AKAP14: variants seen among roughly 807,000 people sequenced by gnomAD.
AKAP14 encodes the protein A-kinase anchor protein 14.
A neutral mutation model predicts 17.0 loss-of-function variants in AKAP14; 4 were observed. That is an observed-to-expected ratio of 0.23 (90% CI 0.12 to 0.54). The LOEUF (loss-of-function observed/expected upper bound fraction) is 0.54, where lower values mean the gene tolerates loss of function less well. AKAP14 is among the 20% of genes least tolerant of loss of function. The pLI, the probability that AKAP14 is intolerant of heterozygous loss-of-function variation, is 0.95. For missense variants in AKAP14, 129 were observed against 150.9 expected (o/e 0.85, Z 0.76); for synonymous variants, 42 against 51.3 (o/e 0.82, Z 0.77).
chrX:119,916,865 T>C (rs1441340068), intron 5 of AKAP14, among the ~76,000 whole-genome samples: 1 of 101,426 alleles, frequency 9.9e-6, no homozygotes, highest in Non-Finnish European at 2.0e-5. Context: ...CCCAGCACTT[T>C]GGGAGGCTTA....
chrX:119,905,119 G>A (rs1394187271), intron 4 of AKAP14, among the ~76,000 whole-genome samples: 3 of 111,052 alleles, frequency 2.7e-5, no homozygotes, highest in African/African-American at 9.8e-5. Context: ...GAAATTGGTG[G>A]AGGCGAACTC....
intron 2 of AKAP14, among the ~76,000 whole-genome samples, chrX:119,901,960 G>A (rs1216557512): frequency 5.7e-5 from 6 of 104,640 alleles, no homozygotes; most frequent in African/African-American, 1.4e-4. Flanking sequence ...CGGAGGTTGC[G>A]GTGAGCCGAG....
At chrX:119,899,018 T>C (rs2056548015) in intron 2 of AKAP14, among the ~76,000 whole-genome samples, 1 of 101,453 alleles carries the variant, frequency 9.9e-6, no homozygotes, top group African/African-American at 3.6e-5. Context: ...AATACAAAAA[T>C]TAGCTGGGCG....
Position 119,895,918 on chromosome X carries a change from T to C in AKAP14, c.-193T>C, listed in dbSNP as rs775407275. On this transcript the variant is annotated 5_prime_UTR_variant, in exon 1 of 7. Transcript: ENST00000371431. ...ATAGGGATGCCCAATACATACCAGC[T>C]GTGAGGCTTATCACCACTGTTCTTC... is the stretch of plus-strand genomic sequence containing the variant. 1 of 111,613 alleles carries C rather than the reference T, an allele frequency of 9.0e-6. No homozygotes were observed. The highest frequency in any genetic ancestry group is 1.9e-5 in the Non-Finnish European group (1 of 53,122). 9.2% of individuals were successfully genotyped at this position (111,613 alleles called of 1,213,427 possible). A position where few individuals can be genotyped will look rare whatever the true frequency, so the allele number is the denominator to read the frequency against.
chrX:119,916,718 C>A (rs1222404916), intron 5 of AKAP14, among the ~76,000 whole-genome samples: 1 of 90,820 alleles, frequency 1.1e-5, no homozygotes, highest in East Asian at 3.8e-4. Context: ...ACAGGCTGGT[C>A]TTGAACTCCT....
At chrX:119,902,506 CA>C (rs778357052) in intron 2 of AKAP14, among the ~76,000 whole-genome samples, 110 of 111,353 alleles carry the variant, frequency 9.9e-4, no homozygotes, top group African/African-American at 3.3e-3. Flanking sequence ...AGATTACAGG[CA>C]CATGCCACCA....
rs375001330 is a variant in AKAP14, at chrX:119,903,359, G to C, written c.136G>C (p.Asp46His). The C allele has an allele frequency of 9.9e-6, 12 of 1,210,429 alleles. No homozygotes were observed. The highest frequency in any genetic ancestry group is 1.3e-5 in the Non-Finnish European group (12 of 895,417). Residue 46 changes from aspartate to histidine, a missense_variant, in exon 3 of 7, where the codon GAT becomes CAT. Asp to His is a moderately conservative substitution (Grantham distance 81). Coordinates refer to ENST00000371431, the MANE Select transcript of AKAP14 (RefSeq NM_178813.6). ...TCAAGTAGCTCTAGCTCTGGTTGAG[G>C]ATGTCATCAATTATGCTGTTAAGAT... Reference protein sequence around the residue: ...LTQVALALVEDVINYAVKIVE... With the variant: ...LTQVALALVEHVINYAVKIVE...
At chrX:119,904,622 C>T (rs185629809) in intron 4 of AKAP14, among the ~76,000 whole-genome samples, 7 of 112,042 alleles carry the variant, frequency 6.2e-5, no homozygotes, top group Admixed American at 2.9e-4. Context: ...TAGTGGCTCA[C>T]GCCTGTAAGC....
chrX:119,915,166 G>A (rs769958393), intron 5 of AKAP14, among the ~76,000 whole-genome samples: 1 of 111,313 alleles, frequency 9.0e-6, no homozygotes, highest in East Asian at 2.8e-4. Context: ...ACCTCTTCAT[G>A]TTGGAATGTC....
At chrX:119,899,142 G>A (rs1235843157) in intron 2 of AKAP14, among the ~76,000 whole-genome samples, 1 of 90,719 alleles carries the variant, frequency 1.1e-5, no homozygotes, top group Non-Finnish European at 2.1e-5. Context: ...CCTCCAGCCT[G>A]GGTGACAGAA....
chrX:119,914,957 AT>A, intron 5 of AKAP14, 79 bp downstream of exon 5: 1 of 1,010,764 alleles, frequency 9.9e-7, no homozygotes, highest in Non-Finnish European at 1.4e-6. Context: ...CAATAACCCC[AT>A]TTTTACAAAA....
At chrX:119,898,545 A>G (rs1306884972) in intron 2 of AKAP14, among the ~76,000 whole-genome samples, 2 of 110,209 alleles carry the variant, frequency 1.8e-5, no homozygotes, top group Non-Finnish European at 3.8e-5. Context: ...TAATCCCAGC[A>G]CTTTGGAGAT....
chrX:119,902,895 T>C (rs34523165), intron 2 of AKAP14, among the ~76,000 whole-genome samples: 2,847 of 111,604 alleles, frequency 0.026, 75 homozygotes, highest in African/African-American at 0.087. Flanking sequence ...TTCACCATGT[T>C]GGTCAGGCTG....
Position 119,903,601 on chromosome X carries a change from C to T in AKAP14, c.261+15C>T. The T allele has an allele frequency of 8.3e-7, 1 of 1,210,158 alleles. No homozygotes were observed. The highest frequency in any genetic ancestry group is 1.1e-6 in the Non-Finnish European group (1 of 894,666). On this transcript the variant is annotated intron_variant, in intron 4 of 6. Coordinates refer to ENST00000371431, the MANE Select transcript of AKAP14 (RefSeq NM_178813.6). ...AATATTTTTCGGTAAGTTAGGCCGACCACTCCAGCATGGTACACCGGTGTG... is the reference window on the plus strand; with the variant it reads ...AATATTTTTCGGTAAGTTAGGCCGATCACTCCAGCATGGTACACCGGTGTG...
chrX:119,899,319 T>C (rs1022455562), intron 2 of AKAP14, among the ~76,000 whole-genome samples: 2 of 111,351 alleles, frequency 1.8e-5, no homozygotes, highest in South Asian at 3.7e-4. Flanking sequence ...CATTTTCACA[T>C]GGCAGCAACA....
chrX:119,919,688 A>C, intron 5 of AKAP14: 1 of 325,741 alleles, frequency 3.1e-6, no homozygotes, highest in South Asian at 6.8e-5. Context: ...TCTACTAAAA[A>C]TAAAAAAAAT....
chrX:119,917,288 G>A (rs181611017), intron 5 of AKAP14, among the ~76,000 whole-genome samples: 14 of 107,790 alleles, frequency 1.3e-4, no homozygotes, highest in Non-Finnish European at 2.3e-4. Context: ...GACCAGCCTG[G>A]CTAACATGGT....
At chrX:119,912,161 C>A (rs923875169) in intron 4 of AKAP14, among the ~76,000 whole-genome samples, 2 of 108,796 alleles carry the variant, frequency 1.8e-5, no homozygotes, top group Non-Finnish European at 3.8e-5. Context: ...GAACTCCTGA[C>A]CTTAAGTGAT....
intron 4 of AKAP14, among the ~76,000 whole-genome samples, chrX:119,911,218 TG>T (rs1440200934): frequency 2.9e-5 from 3 of 105,217 alleles, no homozygotes; most frequent in African/African-American, 1.0e-4. Context: ...CTGGGTGTGG[TG>T]GTGGGCGCCT....
Sources: allele counts gnomAD v4.1 joint callset (sites outside exome capture counted in the v4.1 genomes callset), GRCh38; gene constraint gnomAD v4.1.1; transcripts MANE v1.5; gene names NCBI Gene and HGNC (gene_info 2026-07-23, HGNC 2026-07-21).